DOCK2: variants seen among roughly 807,000 people sequenced by gnomAD.
The protein encoded by DOCK2 is dedicator of cytokinesis 2.
Under a neutral mutation model 248.9 loss-of-function variants are expected in DOCK2, and 87 were observed. The observed-to-expected ratio is 0.35, with a 90% CI of 0.29 to 0.42. DOCK2 has a LOEUF of 0.42. Among genes scored for constraint, DOCK2 ranks in the 10% least tolerant of loss-of-function variants. DOCK2 has a pLI of 1.00. For synonymous variants in DOCK2, 805 were observed against 821.6 expected, an observed-to-expected ratio of 0.98 and a Z score of 0.35; for missense variants, 1,747 against 2,300.2, an observed-to-expected ratio of 0.76 and a Z score of 4.92.
intron 29 of DOCK2, among the ~76,000 whole-genome samples, chr5:169,991,011 T>C (rs1778192448): frequency 6.6e-6 from 1 of 152,252 alleles, no homozygotes; most frequent in East Asian, 1.9e-4. Flanking sequence ...CCCTGCTTCA[T>C]GTACTGCAGC....
Position 170,034,513 on chromosome 5 carries a change from T to A in DOCK2, c.3582T>A (p.Asp1194Glu). 6.2e-7 allele frequency: 1 copy of A among 1,614,156 alleles called. No individual in the cohort carries two copies. The highest frequency in any genetic ancestry group is 1.1e-5 in the South Asian group (1 of 91,074). Residue 1194 changes from aspartate to glutamate, a missense_variant, in exon 35 of 52, where the codon GAT becomes GAA. Transcript: ENST00000520908. ...TGGATTACCGGGGTGTGATGACAGA[T>A]GAGAGCAAAGACAACCGCATGAGCT... ...KLLDYRGVMT[D>E]ESKDNRMSCT...
intron 19 of DOCK2, among the ~76,000 whole-genome samples, chr5:169,715,704 A>G (rs1445567274): frequency 6.6e-6 from 1 of 152,048 alleles, no homozygotes; most frequent in Non-Finnish European, 1.5e-5. Flanking sequence ...TACACACGTA[A>G]ACACCATGTG....
intron 44 of DOCK2, among the ~76,000 whole-genome samples, chr5:170,060,892 T>A (rs1340010014): frequency 6.6e-6 from 1 of 152,116 alleles, no homozygotes; most frequent in Non-Finnish European, 1.5e-5. Flanking sequence ...TAGCTGGGCA[T>A]GGTGGCATGC....
intron 41 of DOCK2, among the ~76,000 whole-genome samples, chr5:170,054,856 T>A (rs1042870206): frequency 1.3e-5 from 2 of 152,140 alleles, no homozygotes; most frequent in Non-Finnish European, 2.9e-5. Flanking sequence ...CTCGGATCTG[T>A]TCTTACAAGT....
rs1756872171 is a variant in DOCK2 at position 170,050,369 on chromosome 5, A to T, written c.4185A>T (p.Gly1395=). 1 of 1,614,050 alleles carries T rather than the reference A, an allele frequency of 6.2e-7. No individual in the cohort carries two copies. The highest frequency in any genetic ancestry group is 1.3e-5 in the African/African-American group (1 of 75,002). Reference sequence around the variant, plus strand: ...AGATGAACACCACCTCTGCCCCGGGAGATGATGTGAAGAATGCCCCAGGCC... The same window carrying T: ...AGATGAACACCACCTCTGCCCCGGGTGATGATGTGAAGAATGCCCCAGGCC... ...AEKMNTTSAP[G]DDVKNAPGQY... is the part of the protein sequence containing the mutation. Residue 1395 remains glycine, a synonymous_variant, in exon 41 of 52, where the codon GGA becomes GGT. Coordinates refer to ENST00000520908, the MANE Select transcript of DOCK2 (RefSeq NM_004946.3).
At chr5:169,813,246 A>G (rs1452415801) in intron 26 of DOCK2, among the ~76,000 whole-genome samples, 1 of 152,220 alleles carries the variant, frequency 6.6e-6, no homozygotes, top group Admixed American at 6.5e-5. Context: ...TAAATAAACT[A>G]TATTAAAATC....
At position 169,763,595 on chromosome 5, in the gene DOCK2, G is replaced by A. The variant is rs979295240; in HGVS notation, c.2554+1970G>A. 3.2e-4 allele frequency among the ~76,000 whole-genome samples: 49 copies of A among 152,320 alleles called. No homozygotes were observed. The highest frequency in any genetic ancestry group is 1.2e-3 in the African/African-American group (49 of 41,576). On this transcript the variant is annotated intron_variant, in intron 25 of 51. Transcript: ENST00000520908. The surrounding 1 kb of genome is among the most constrained non-coding windows in gnomAD (Gnocchi z 4.1). ...AGCCACATCTCCAGGGCTGGGAGGA[G>A]GCCTCTGAGGGTTAGCATCATGGCA...
chr5:169,960,941 G>A (rs1282755529), intron 27 of DOCK2, among the ~76,000 whole-genome samples: 1 of 152,142 alleles, frequency 6.6e-6, no homozygotes, highest in Non-Finnish European at 1.5e-5. Context: ...TATAGGCTAT[G>A]AACTGAATAT....
chr5:169,681,385 A>G (rs1759656492), intron 6 of DOCK2, among the ~76,000 whole-genome samples: 1 of 151,236 alleles, frequency 6.6e-6, no homozygotes, highest in Non-Finnish European at 1.5e-5. Context: ...CGGCCTCCCA[A>G]AGTGCTGGGA....
At chr5:169,675,283 G>C (rs1759268937) in intron 6 of DOCK2, among the ~76,000 whole-genome samples, 1 of 152,140 alleles carries the variant, frequency 6.6e-6, no homozygotes, top group African/African-American at 2.4e-5. Context: ...CTGCTACTTG[G>C]ATAGCATTTG....
intron 26 of DOCK2, among the ~76,000 whole-genome samples, chr5:169,805,320 T>C (rs1178590573): frequency 6.6e-6 from 1 of 152,110 alleles, no homozygotes; most frequent in Non-Finnish European, 1.5e-5. Context: ...GGGGATTCCT[T>C]GAGCCCAGGA....
At chr5:169,661,299 T>C (rs573801909) in intron 2 of DOCK2, among the ~76,000 whole-genome samples, 72 of 152,312 alleles carry the variant, frequency 4.7e-4, no homozygotes, top group African/African-American at 1.7e-3. Context: ...GCAGAGCTCA[T>C]ACTCTTTAAA....
chr5:169,727,082 GAAAA>G (rs1236217147), intron 22 of DOCK2, among the ~76,000 whole-genome samples: 1 of 148,254 alleles, frequency 6.7e-6, no homozygotes, highest in African/African-American at 2.5e-5. Flanking sequence ...AAAAAAAAAA[GAAAA>G]AAGAAAGAAA....
intron 27 of DOCK2, among the ~76,000 whole-genome samples, chr5:169,848,345 G>T (rs1395951192): frequency 1.3e-5 from 2 of 152,172 alleles, no homozygotes; most frequent in Non-Finnish European, 2.9e-5. Flanking sequence ...TGTGAACCAG[G>T]GACACCAGAG....
At chr5:169,850,014 T>G (rs1232368368) in intron 27 of DOCK2, among the ~76,000 whole-genome samples, 1 of 152,244 alleles carries the variant, frequency 6.6e-6, no homozygotes, top group Admixed American at 6.5e-5. Context: ...GTGTTATTAC[T>G]GTTAGCTTTA....
chr5:169,837,755 C>T (rs1212935934), intron 26 of DOCK2, among the ~76,000 whole-genome samples: 2 of 152,282 alleles, frequency 1.3e-5, no homozygotes, highest in East Asian at 1.9e-4. Context: ...AATTGGGATT[C>T]AAACTCAAGT....
intron 36 of DOCK2, among the ~76,000 whole-genome samples, chr5:170,040,453 T>C (rs1327798789): frequency 1.3e-5 from 2 of 152,200 alleles, no homozygotes; most frequent in African/African-American, 2.4e-5. Context: ...GGTCTACATA[T>C]GAATATCTAT....
chr5:169,729,724 C>T (rs1351894277), intron 22 of DOCK2, among the ~76,000 whole-genome samples: 1 of 151,980 alleles, frequency 6.6e-6, no homozygotes, highest in African/African-American at 2.4e-5. Context: ...TAATAAATGT[C>T]AGTGAAGGAA....
chr5:169,729,847 A>T (rs1465098867), intron 22 of DOCK2, among the ~76,000 whole-genome samples: 1 of 152,182 alleles, frequency 6.6e-6, no homozygotes, highest in Non-Finnish European at 1.5e-5. Flanking sequence ...AATCCCAGTA[A>T]CTGTGACCTT....
Sources: gnomAD v4.1 joint callset for allele counts (sites outside exome capture counted in the v4.1 genomes callset) on GRCh38, gnomAD v4.1.1 for gene constraint, Gnocchi (gnomAD v3.1) non-coding constraint, MANE v1.5 for transcripts, NCBI Gene and HGNC (gene_info 2026-07-23, HGNC 2026-07-21) for gene names.